Variants in ASXL2 observed in about 807,000 individuals in gnomAD.
The protein encoded by ASXL2 is putative Polycomb group protein ASXL2.
ASXL2 carries 23 observed loss-of-function variants against 122.0 expected under a neutral mutation model. That is an observed-to-expected ratio of 0.19 (90% CI 0.14 to 0.27). The LOEUF (loss-of-function observed/expected upper bound fraction) is 0.27. ASXL2 is among the 10% of genes least tolerant of loss of function. ASXL2 has a pLI of 1.00. For missense variants in ASXL2, 1,518 were observed against 1,713.8 expected (o/e 0.89, Z 2.02); for synonymous variants, 650 against 637.0 (o/e 1.02, Z -0.31).
intron 5 of ASXL2, among the ~76,000 whole-genome samples, chr2:25,790,079 C>T (rs1231404084): frequency 1.3e-5 from 2 of 152,036 alleles, no homozygotes; most frequent in African/African-American, 2.4e-5. Flanking sequence ...CACCCTCTCC[C>T]CCTTTTTTAA....
At chr2:25,797,879 C>T (rs368965579) in intron 5 of ASXL2, among the ~76,000 whole-genome samples, 1 of 152,330 alleles carries the variant, frequency 6.6e-6, no homozygotes, top group East Asian at 1.9e-4. Flanking sequence ...CAATCACACT[C>T]CTTAGCATTT....
chr2:25,766,880 A>C (rs1312653457), intron 8 of ASXL2, among the ~76,000 whole-genome samples: 1 of 152,120 alleles, frequency 6.6e-6, no homozygotes, highest in Non-Finnish European at 1.5e-5. Context: ...ACTGCTTCTT[A>C]CTAACTTTCA....
At chr2:25,754,261 CT>C (rs911720894) in intron 10 of ASXL2, among the ~76,000 whole-genome samples, 4 of 152,200 alleles carry the variant, frequency 2.6e-5, no homozygotes, top group Non-Finnish European at 4.4e-5. Flanking sequence ...TTTGCATATA[CT>C]ACCAACCACC....
intron 1 of ASXL2, among the ~76,000 whole-genome samples, chr2:25,863,748 G>C (rs2089865345): frequency 6.6e-6 from 1 of 151,796 alleles, no homozygotes; most frequent in South Asian, 2.1e-4. Context: ...GCTCACACCT[G>C]TAATCTCAAC....
chr2:25,789,901 G>T (rs2088805924), intron 5 of ASXL2, among the ~76,000 whole-genome samples: 1 of 152,094 alleles, frequency 6.6e-6, no homozygotes, highest in African/African-American at 2.4e-5. Flanking sequence ...TTACTTTTGA[G>T]AAAGGACCAG....
intron 2 of ASXL2, among the ~76,000 whole-genome samples, chr2:25,844,614 A>G (rs916617924): frequency 6.6e-6 from 1 of 151,002 alleles, no homozygotes; most frequent in Non-Finnish European, 1.5e-5. Context: ...ACAAAAAAAA[A>G]CACACACACA....
chr2:25,790,815 T>C (rs1015044557), intron 5 of ASXL2, among the ~76,000 whole-genome samples: 10 of 148,208 alleles, frequency 6.7e-5, no homozygotes, highest in Non-Finnish European at 1.5e-4. Context: ...TTTTTTTTTT[T>C]TTTTTTGAGA....
intron 3 of ASXL2, among the ~76,000 whole-genome samples, chr2:25,827,418 A>G (rs1276987998): frequency 1.3e-5 from 2 of 152,178 alleles, no homozygotes; most frequent in African/African-American, 4.8e-5. Flanking sequence ...AAATTACTGA[A>G]TTAATAAATA....
Position 25,741,912 on chromosome 2 carries a change from C to CTTAA in ASXL2, c.*116_*117insTTAA, listed in dbSNP as rs2087833492. On this transcript the variant is annotated 3_prime_UTR_variant, in exon 13 of 13. Transcript: ENST00000435504. ...GTATTCCTGATTAAGTAACATTTGT[C>CTTAA]TCTGAAGACAACTGAAACCTACTTG... 1 of 989,284 alleles carries CTTAA rather than the reference C, an allele frequency of 1.0e-6. No individual in the cohort carries two copies. The highest frequency in any genetic ancestry group is 1.6e-5 in the African/African-American group (1 of 61,524). 61.3% of individuals were successfully genotyped at this position (989,284 alleles called of 1,614,324 possible). A position where few individuals can be genotyped will look rare whatever the true frequency, so the allele number is the denominator to read the frequency against.
intron 1 of ASXL2, among the ~76,000 whole-genome samples, chr2:25,872,837 ATT>A (rs1196546922): frequency 1.3e-5 from 2 of 152,188 alleles, no homozygotes; most frequent in African/African-American, 4.8e-5. Context: ...CTATCAAGGA[ATT>A]AGCTCACCAA....
At chr2:25,791,422 G>C (rs2088831852) in intron 5 of ASXL2, among the ~76,000 whole-genome samples, 1 of 151,630 alleles carries the variant, frequency 6.6e-6, no homozygotes, top group African/African-American at 2.4e-5. Flanking sequence ...ACGATGGGGA[G>C]GTTGCAGTGA....
chr2:25,860,318 A>G (rs560188780), intron 1 of ASXL2, among the ~76,000 whole-genome samples: 2 of 151,058 alleles, frequency 1.3e-5, no homozygotes. Context: ...CCTCAAAAAT[A>G]AAAAAAAATG....
intron 5 of ASXL2, among the ~76,000 whole-genome samples, chr2:25,795,785 A>T (rs1049000103): frequency 6.6e-6 from 1 of 152,072 alleles, no homozygotes; most frequent in South Asian, 2.1e-4. Context: ...CGAAAAAATT[A>T]AAATAAAAAA....
chr2:25,864,479 G>C (rs1367909008), intron 1 of ASXL2, among the ~76,000 whole-genome samples: 1 of 152,112 alleles, frequency 6.6e-6, no homozygotes. Context: ...AAGACTTTTA[G>C]TGGCAGGTGA....
At chr2:25,780,018 C>T (rs1053485695) in intron 5 of ASXL2, among the ~76,000 whole-genome samples, 1 of 152,186 alleles carries the variant, frequency 6.6e-6, no homozygotes, top group Non-Finnish European at 1.5e-5. Flanking sequence ...CAGGTGCCCA[C>T]CACCATGCCC....
At chr2:25,808,153 C>G (rs919353101) in intron 3 of ASXL2, among the ~76,000 whole-genome samples, 10 of 152,084 alleles carry the variant, frequency 6.6e-5, no homozygotes, top group Admixed American at 2.6e-4. Context: ...GATCCTTTCT[C>G]TTCCCTTGTG....
intron 4 of ASXL2, among the ~76,000 whole-genome samples, chr2:25,803,983 G>A (rs1423175737): frequency 6.6e-6 from 1 of 151,346 alleles, no homozygotes; most frequent in East Asian, 1.9e-4. Context: ...AAAACACTTT[G>A]GTTTTTTTTT....
At chr2:25,857,287 G>A (rs1348308221) in intron 1 of ASXL2, among the ~76,000 whole-genome samples, 1 of 152,052 alleles carries the variant, frequency 6.6e-6, no homozygotes, top group South Asian at 2.1e-4. Flanking sequence ...TATTACTTCT[G>A]CTCACATTCT....
intron 3 of ASXL2, among the ~76,000 whole-genome samples, chr2:25,818,403 C>T (rs1351174860): frequency 3.3e-5 from 5 of 152,166 alleles, no homozygotes; most frequent in South Asian, 2.1e-4. Flanking sequence ...CCCAGCTACT[C>T]GGGAGGCTGA....
Sources: gnomAD v4.1 joint callset for allele counts (sites outside exome capture counted in the v4.1 genomes callset) on GRCh38, gnomAD v4.1.1 for gene constraint, MANE v1.5 for transcripts, NCBI Gene and HGNC (gene_info 2026-07-23, HGNC 2026-07-21) for gene names.